Variants in SH2D3C observed in about 807,000 individuals in gnomAD.
The protein encoded by SH2D3C is SH2 domain containing 3C.
Under a neutral mutation model 75.2 loss-of-function variants are expected in SH2D3C, and 25 were observed. That is an observed-to-expected ratio of 0.33 (90% CI 0.24 to 0.46). The LOEUF is 0.46. SH2D3C is among the 20% of genes least tolerant of loss of function. The probability of loss-of-function intolerance (pLI) is 1.00; values close to 1 mark genes in which losing one functional copy is unlikely to be tolerated. For synonymous variants in SH2D3C, 450 were observed against 473.7 expected (o/e 0.95, Z 0.65); for missense variants, 933 against 1,165.3 (o/e 0.80, Z 2.90).
At chr9:127,741,744 T>C (rs1588489789) in intron 9 of SH2D3C, 44 bp downstream of exon 9, 2 of 1,598,474 alleles carry the variant, frequency 1.3e-6, no homozygotes, top group Non-Finnish European at 1.7e-6. Context: ...CCAGGGCTCT[T>C]CCAGACAGTC....
In SH2D3C at chr9:127,754,711, A is replaced by G; in HGVS notation, c.556-3411T>C. On this transcript the variant is annotated intron_variant, in intron 3 of 11. Coordinates refer to ENST00000314830, the MANE Select transcript of SH2D3C (RefSeq NM_170600.3). This position sits in a 1 kb window ranked among gnomAD's most constrained non-coding sequence, Gnocchi z 4.4. ...GGCGCCCCCGGTACAATGGGGAGCC[A>G]GGGTGCCCAGGTCAGCCGCAAGGGC... The G allele has an allele frequency of 5.2e-6, 2 of 383,656 alleles. No individual in the cohort carries two copies. Among genetic ancestry groups the G allele is most frequent in the Non-Finnish European group, 1.1e-5 (2 of 176,540 alleles). The allele number at this position is 383,656 out of a possible 1,614,324, so 23.8% of individuals were successfully genotyped here.
chr9:127,738,726 G>A lies in SH2D3C; in HGVS notation c.*20C>T, dbSNP rs765202652. 6.4e-6 allele frequency: 10 copies of A among 1,567,430 alleles called. No homozygotes were observed. The East Asian group carries it at 1.2e-4, about 18-fold the overall frequency. ...GCCCCTGACGCTGTCCGCAGCTGCAGAGGGGAAATGTCCCTGGGGTCACAG... is the reference window on the plus strand; with the variant it reads ...GCCCCTGACGCTGTCCGCAGCTGCAAAGGGGAAATGTCCCTGGGGTCACAG... On this transcript the variant is annotated 3_prime_UTR_variant, in exon 12 of 12. Coordinates refer to ENST00000314830, the MANE Select transcript of SH2D3C (RefSeq NM_170600.3). This position sits in a 1 kb window ranked among gnomAD's most constrained non-coding sequence, Gnocchi z 5.0.
At chr9:127,742,085 G>T (rs141793650) in intron 8 of SH2D3C, 126 bp from the exon 9 acceptor site, 6 of 885,770 alleles carry the variant, frequency 6.8e-6, no homozygotes, top group African/African-American at 1.7e-5. Flanking sequence ...GGTTGTAAGG[G>T]TCAATGGGAT....
At chr9:127,741,740 C>A (rs1346735986) in intron 9 of SH2D3C, 48 bp downstream of exon 9, 11 of 1,586,662 alleles carry the variant, frequency 6.9e-6, no homozygotes, top group Admixed American at 1.7e-5. Context: ...CACCCCAGGG[C>A]TCTTCCAGAC....
At chr9:127,740,010 G>T in intron 10 of SH2D3C, 122 bp from the exon 11 acceptor site, 1 of 959,108 alleles carries the variant, frequency 1.0e-6, no homozygotes, top group Non-Finnish European at 1.5e-6. Context: ...GAGCCCCAAG[G>T]GCTCCTGACT....
intron 2 of SH2D3C, chr9:127,767,364 A>C: frequency 2.1e-6 from 3 of 1,414,140 alleles, no homozygotes; most frequent in Non-Finnish European, 2.8e-6. Flanking sequence ...CAGGGGAGAA[A>C]ACTGAAGCTT....
chr9:127,743,987 C>G (rs2131740100), intron 7 of SH2D3C, among the ~76,000 whole-genome samples: 1 of 151,710 alleles, frequency 6.6e-6, no homozygotes, highest in South Asian at 2.1e-4. Context: ...CCAACTGCCT[C>G]AGGGAGCCAG....
chr9:127,762,178 C>T (rs963793434), intron 2 of SH2D3C: 31 of 1,182,792 alleles, frequency 2.6e-5, no homozygotes, highest in African/African-American at 6.4e-5. Context: ...CAGCTGACTG[C>T]GGAGCCACTG....
intron 2 of SH2D3C, among the ~76,000 whole-genome samples, chr9:127,764,675 C>G (rs10760497): frequency 6.6e-6 from 1 of 151,914 alleles, no homozygotes; most frequent in South Asian, 2.1e-4. Flanking sequence ...AGATATCCCC[C>G]GGGTTCCCTC....
intron 5 of SH2D3C, among the ~76,000 whole-genome samples, chr9:127,748,971 A>G (rs1412067438): frequency 6.6e-6 from 1 of 152,160 alleles, no homozygotes; most frequent in African/African-American, 2.4e-5. Flanking sequence ...GAGAGGTGAC[A>G]GGGTCAAGGG....
chr9:127,773,843 G>T, intron 2 of SH2D3C, 147 bp downstream of exon 2: 1 of 586,390 alleles, frequency 1.7e-6, no homozygotes, highest in Non-Finnish European at 3.0e-6. Flanking sequence ...GCTTGGACCC[G>T]GGAGGCAGAG....
chr9:127,747,482 G>C (rs1845067330), intron 5 of SH2D3C, among the ~76,000 whole-genome samples: 1 of 152,116 alleles, frequency 6.6e-6, no homozygotes, highest in Non-Finnish European at 1.5e-5. Context: ...AGGAACCCTG[G>C]TGGCTAGAAC....
chr9:127,742,685 T>C (rs2131736935), intron 8 of SH2D3C, 164 bp downstream of exon 8: 2 of 576,132 alleles, frequency 3.5e-6, no homozygotes, highest in Non-Finnish European at 6.2e-6. Flanking sequence ...TCAGCCTGTT[T>C]AGAGCGGGTT....
chr9:127,766,385 T>A (rs573643789), intron 2 of SH2D3C, among the ~76,000 whole-genome samples: 5 of 152,292 alleles, frequency 3.3e-5, no homozygotes, highest in African/African-American at 9.6e-5. Context: ...ATCTGTAAAG[T>A]GGGCACATTA....
In SH2D3C at chr9:127,751,159, G is replaced by C. The variant is rs150089080; in HGVS notation, c.684+13C>G. 3 of 1,612,928 alleles carry C rather than the reference G, an allele frequency of 1.9e-6. No homozygotes were observed. The highest frequency in any genetic ancestry group is 1.8e-4 in the Middle Eastern group (1 of 5,428). ...AGGGTCCCGGGTTGAAGTCCAGCTCGGGGCCTACTCACCTCTCGGGGGATG... is the reference window on the plus strand; with the variant it reads ...AGGGTCCCGGGTTGAAGTCCAGCTCCGGGCCTACTCACCTCTCGGGGGATG... On this transcript the variant is annotated intron_variant, in intron 4 of 11. Transcript: ENST00000314830. This position sits in a 1 kb window ranked among gnomAD's most constrained non-coding sequence, Gnocchi z 4.1.
chr9:127,759,710 G>T (rs10046866), intron 3 of SH2D3C, among the ~76,000 whole-genome samples: 2 of 151,774 alleles, frequency 1.3e-5, no homozygotes, highest in African/African-American at 4.8e-5. Context: ...TTGGCCGGGC[G>T]TGGTGGCTCA....
rs1276754531 is a variant in SH2D3C at position 127,741,944 on chromosome 9, G to A, written c.1932C>T (p.Ser644=). 5 of 1,612,244 alleles carry A rather than the reference G, an allele frequency of 3.1e-6. No homozygotes were observed. The highest frequency in any genetic ancestry group is 2.2e-5 in the East Asian group (1 of 44,878). The change falls in exon 9 of 12, where the codon TCC becomes TCT. Residue 644 remains serine (S), a synonymous_variant. Transcript: ENST00000314830. ...CCAGGATGTCCACGGCCAGCATGAT[G>A]GACATGGTGTGGAACCTGTCAGAGC... ...LDLLERFHTM[S]IMLAVDILGC...
intron 2 of SH2D3C, 39 bp from the exon 3 acceptor site, chr9:127,761,689 C>A: frequency 6.3e-7 from 1 of 1,583,850 alleles, no homozygotes; most frequent in Non-Finnish European, 8.6e-7. Context: ...CCCAGCCCTG[C>A]TTGGCTCCCC....
At chr9:127,771,379 T>G in intron 2 of SH2D3C, 1 of 1,328,638 alleles carries the variant, frequency 7.5e-7, no homozygotes, top group Non-Finnish European at 9.6e-7. Context: ...GCCCCTGCGC[T>G]CCTTGCCCGG....
Sources: allele counts gnomAD v4.1 joint callset (sites outside exome capture counted in the v4.1 genomes callset), GRCh38; gene constraint gnomAD v4.1.1; non-coding constraint Gnocchi (gnomAD v3.1); transcripts MANE v1.5; gene names NCBI Gene and HGNC (gene_info 2026-07-23, HGNC 2026-07-21).